The following ROBO1 variants were observed in gnomAD, a reference collection of about 807,000 sequenced individuals.
ROBO1 encodes roundabout homolog 1.
In ROBO1, 149 loss-of-function variants were observed where a neutral mutation model predicts 195.9. The observed-to-expected ratio is 0.76, with a 90% CI of 0.67 to 0.87. ROBO1 has a LOEUF of 0.87. ROBO1 is among the 40% of genes least tolerant of loss of function. The pLI is 0.00. For synonymous variants in ROBO1, 816 were observed against 733.2 expected, an observed-to-expected ratio of 1.11 and a Z score of -1.82; for missense variants, 1,933 against 2,068.3, an observed-to-expected ratio of 0.93 and a Z score of 1.27.
At chr3:78,909,504 CGAT>C (rs2038121440) in intron 4 of ROBO1, among the ~76,000 whole-genome samples, 1 of 151,676 alleles carries the variant, frequency 6.6e-6, no homozygotes, top group Admixed American at 6.6e-5. Context: ...ACATTAAACT[CGAT>C]GACGTGTTTC....
intron 2 of ROBO1, among the ~76,000 whole-genome samples, chr3:79,426,615 G>A (rs960027079): frequency 6.6e-6 from 1 of 152,026 alleles, no homozygotes; most frequent in African/African-American, 2.4e-5. Flanking sequence ...TGATCCACCC[G>A]CCTCAGCCTT....
intron 2 of ROBO1, among the ~76,000 whole-genome samples, chr3:79,332,226 G>T (rs2034477248): frequency 6.6e-6 from 1 of 151,132 alleles, no homozygotes; most frequent in Non-Finnish European, 1.5e-5. Flanking sequence ...TACCATGCAG[G>T]TACTAACAAG....
At chr3:79,300,695 G>C (rs2032892129) in intron 2 of ROBO1, among the ~76,000 whole-genome samples, 1 of 152,198 alleles carries the variant, frequency 6.6e-6, no homozygotes, top group Admixed American at 6.5e-5. Context: ...CTGGTGGGGA[G>C]GTGGAGAACC....
At chr3:79,495,606 G>C (rs1231809713) in intron 2 of ROBO1, among the ~76,000 whole-genome samples, 1 of 152,092 alleles carries the variant, frequency 6.6e-6, no homozygotes, top group Non-Finnish European at 1.5e-5. Context: ...GTGTTATGTG[G>C]AAGGGTGCTG....
chr3:79,512,340 T>C (rs994314269), intron 2 of ROBO1, among the ~76,000 whole-genome samples: 1 of 152,190 alleles, frequency 6.6e-6, no homozygotes, highest in Non-Finnish European at 1.5e-5. Context: ...TCTTGTGCTA[T>C]ATTGAATTCA....
chr3:79,354,549 G>A (rs1187482129), intron 2 of ROBO1, among the ~76,000 whole-genome samples: 1 of 152,106 alleles, frequency 6.6e-6, no homozygotes, highest in Non-Finnish European at 1.5e-5. Context: ...CAAGTATACA[G>A]CTGAGTACCT....
intron 2 of ROBO1, among the ~76,000 whole-genome samples, chr3:79,146,980 C>T (rs760916340): frequency 6.6e-6 from 1 of 151,790 alleles, no homozygotes; most frequent in Non-Finnish European, 1.5e-5. Context: ...GGAAGAAATA[C>T]TGAAATTGGT....
chr3:79,643,444 G>T (rs1945726689), intron 1 of ROBO1, among the ~76,000 whole-genome samples: 1 of 151,926 alleles, frequency 6.6e-6, no homozygotes, highest in Non-Finnish European at 1.5e-5. Context: ...TACCTCTCTA[G>T]AAAACCCTTA....
At chr3:78,892,766 TC>T (rs2107383277) in intron 4 of ROBO1, among the ~76,000 whole-genome samples, 1 of 152,328 alleles carries the variant, frequency 6.6e-6, no homozygotes, top group East Asian at 1.9e-4. Context: ...AAAGGGTCAA[TC>T]TAGATATATC....
chr3:78,618,656 G>A (rs1337205051), intron 26 of ROBO1, among the ~76,000 whole-genome samples: 2 of 151,086 alleles, frequency 1.3e-5, no homozygotes, highest in Admixed American at 6.6e-5. Flanking sequence ...TGATTTATTC[G>A]CTATGAGTTT....
At chr3:78,809,389 G>A (rs371545574) in intron 4 of ROBO1, among the ~76,000 whole-genome samples, 2 of 152,220 alleles carry the variant, frequency 1.3e-5, no homozygotes, top group African/African-American at 2.4e-5. Context: ...TACACTGTTG[G>A]TGGGAGTGTC....
intron 2 of ROBO1, among the ~76,000 whole-genome samples, chr3:79,283,988 C>T (rs1480875612): frequency 2.0e-5 from 3 of 152,142 alleles, no homozygotes; most frequent in Non-Finnish European, 4.4e-5. Context: ...TGAGCCACCG[C>T]GCCCGGCCTA....
At chr3:79,590,396 A>T (rs908061108) in intron 1 of ROBO1, among the ~76,000 whole-genome samples, 3 of 151,782 alleles carry the variant, frequency 2.0e-5, no homozygotes, top group African/African-American at 4.8e-5. Flanking sequence ...AAAAACAAAA[A>T]ACTTGCTCTT....
intron 1 of ROBO1, among the ~76,000 whole-genome samples, chr3:79,631,295 T>C (rs1179479133): frequency 2.0e-5 from 3 of 151,886 alleles, no homozygotes; most frequent in Non-Finnish European, 4.4e-5. Context: ...GACACATAGA[T>C]CAATGGAACA....
chr3:79,040,078 G>T (rs1447899332), intron 3 of ROBO1, among the ~76,000 whole-genome samples: 1 of 152,072 alleles, frequency 6.6e-6, no homozygotes, highest in Non-Finnish European at 1.5e-5. Flanking sequence ...CAACCAATCA[G>T]AGAAATATAA....
At chr3:79,061,951 A>T (rs565521804) in intron 3 of ROBO1, among the ~76,000 whole-genome samples, 1 of 152,318 alleles carries the variant, frequency 6.6e-6, no homozygotes, top group African/African-American at 2.4e-5. Flanking sequence ...CAAAGACTTC[A>T]TGACTAAAAC....
chr3:79,279,802 G>A (rs2031365048), intron 2 of ROBO1, among the ~76,000 whole-genome samples: 1 of 150,478 alleles, frequency 6.6e-6, no homozygotes, highest in African/African-American at 2.4e-5. Flanking sequence ...TGTCATAGGT[G>A]TCCAACAACA....
At chr3:79,716,993 T>C (rs1471832122) in intron 1 of ROBO1, among the ~76,000 whole-genome samples, 1 of 151,996 alleles carries the variant, frequency 6.6e-6, no homozygotes, top group Non-Finnish European at 1.5e-5. Context: ...AATTTTGAAC[T>C]GTATTCTGCT....
intron 10 of ROBO1, among the ~76,000 whole-genome samples, chr3:78,676,220 T>C (rs574358018): frequency 1.4e-3 from 210 of 151,972 alleles, no homozygotes; most frequent in African/African-American, 4.8e-3. Flanking sequence ...ACCAGAAAGA[T>C]GGGGAAAAAA....
Sources: gnomAD v4.1 joint callset for allele counts (sites outside exome capture counted in the v4.1 genomes callset) on GRCh38, gnomAD v4.1.1 for gene constraint, MANE v1.5 for transcripts, NCBI Gene and HGNC (gene_info 2026-07-23, HGNC 2026-07-21) for gene names.